ANKS1B: variants seen among roughly 807,000 people sequenced by gnomAD.
ANKS1B encodes the protein ankyrin repeat and sterile alpha motif domain-containing protein 1B.
ANKS1B carries 36 observed loss-of-function variants against 148.3 expected under a neutral mutation model. The ratio of observed to expected loss-of-function variants is 0.24; its 90% CI spans 0.19 to 0.32. ANKS1B has a LOEUF of 0.32. Among genes scored for constraint, ANKS1B ranks in the 10% least tolerant of loss-of-function variants. The pLI, the probability that ANKS1B is intolerant of heterozygous loss-of-function variation, is 1.00. For synonymous variants in ANKS1B, 542 were observed against 560.8 expected, an observed-to-expected ratio of 0.97 and a Z score of 0.47; for missense variants, 1,157 against 1,542.6, an observed-to-expected ratio of 0.75 and a Z score of 4.19.
intron 1 of ANKS1B, among the ~76,000 whole-genome samples, chr12:99,874,372 C>T (rs1283322515): frequency 1.3e-5 from 2 of 152,102 alleles, no homozygotes; most frequent in Non-Finnish European, 2.9e-5. Flanking sequence ...TTACAGCTCA[C>T]CAATTCTGTA....
intron 9 of ANKS1B, among the ~76,000 whole-genome samples, chr12:99,509,531 A>G (rs1279044562): frequency 6.6e-6 from 1 of 151,980 alleles, no homozygotes; most frequent in Non-Finnish European, 1.5e-5. Context: ...CCAAATCCTA[A>G]TCCAGAGCAA....
intron 8 of ANKS1B, among the ~76,000 whole-genome samples, chr12:99,754,071 A>C (rs1475170662): frequency 6.6e-6 from 1 of 152,056 alleles, no homozygotes; most frequent in Non-Finnish European, 1.5e-5. Context: ...CAAGCTAGAT[A>C]AAGAACCAAG....
chr12:99,331,801 G>A (rs542693858), intron 12 of ANKS1B, among the ~76,000 whole-genome samples: 1 of 152,098 alleles, frequency 6.6e-6, no homozygotes, highest in East Asian at 1.9e-4. Flanking sequence ...AAGCAGACAG[G>A]AGAACAACTT....
chr12:99,573,554 T>C lies in ANKS1B; in HGVS notation c.1273-68913A>G, dbSNP rs1040521020. Among the ~76,000 whole-genome samples, 7 of 152,084 alleles carry C rather than the reference T, an allele frequency of 4.6e-5. No individual in the cohort carries two copies. In the South Asian group the frequency reaches 6.2e-4, roughly 13 times the overall value. ...GTATGTATCTGAAAAATCCTAACCA[T>C]GGCTAAATCTAATTCCCTGCCTATT... On this transcript the variant is annotated intron_variant, in intron 9 of 26. Coordinates refer to ENST00000683438, the MANE Select transcript of ANKS1B (RefSeq NM_001352186.2).
At chr12:99,762,229 C>T (rs752997271) in intron 8 of ANKS1B, among the ~76,000 whole-genome samples, 20 of 151,938 alleles carry the variant, frequency 1.3e-4, no homozygotes, top group Non-Finnish European at 2.4e-4. Flanking sequence ...AAAACAAGCT[C>T]GAATAGCCAA....
intron 1 of ANKS1B, among the ~76,000 whole-genome samples, chr12:99,975,618 C>G (rs747095867): frequency 6.6e-6 from 1 of 152,112 alleles, no homozygotes; most frequent in Non-Finnish European, 1.5e-5. Context: ...TGTATGTCTT[C>G]TTTTGAGAAA....
At chr12:99,268,177 A>T (rs1043632554) in intron 12 of ANKS1B, among the ~76,000 whole-genome samples, 6 of 152,200 alleles carry the variant, frequency 3.9e-5, no homozygotes, top group Non-Finnish European at 7.3e-5. Flanking sequence ...CATCTATATC[A>T]TTCTTTCATT....
intron 2 of ANKS1B, among the ~76,000 whole-genome samples, chr12:99,812,548 CACACACACACAGAG>C (rs757940979): frequency 9.2e-4 from 92 of 100,096 alleles, no homozygotes; most frequent in African/African-American, 3.3e-3. Context: ...CACACACACA[CACACACACACAGAG>C]AGAGAGAGAG....
In ANKS1B at chr12:98,945,505, C is replaced by CAAAAAAAAAAAAAAAAA. The variant is rs3051086; in HGVS notation, c.2778+107635_2778+107651dup. Among the ~76,000 whole-genome samples the CAAAAAAAAAAAAAAAAA allele has an allele frequency of 7.3e-4, 22 of 30,254 alleles. 1 individual carries two copies. The highest frequency in any genetic ancestry group is 1.4e-3 in the African/African-American group (13 of 9,180). 19.8% of individuals were successfully genotyped at this position (30,254 alleles called of 152,430 possible). A position where few individuals can be genotyped will look rare whatever the true frequency, so the allele number is the denominator to read the frequency against. ...GCCAGACCCTGTCTCAACAAACAAA[C>CAAAAAAAAAAAAAAAAA]AAAAAAAAAAAAAAAAAAAAAAAAA... is the stretch of plus-strand genomic sequence containing the variant. On this transcript the variant is annotated intron_variant, in intron 17 of 26. Transcript: ENST00000683438.
At chr12:98,761,608 G>GTA (rs748420891) in intron 25 of ANKS1B, among the ~76,000 whole-genome samples, 33 of 152,024 alleles carry the variant, frequency 2.2e-4, no homozygotes, top group Non-Finnish European at 4.4e-4. Context: ...TTGTGTGTAT[G>GTA]TATATATATA....
In ANKS1B at chr12:99,565,469, G is replaced by T. The variant is rs115545419; in HGVS notation, c.1273-60828C>A. Among the ~76,000 whole-genome samples, 289 of 152,254 alleles carry T rather than the reference G, an allele frequency of 1.9e-3. 1 individual carries two copies. Among genetic ancestry groups the T allele is most frequent in the African/African-American group, 6.7e-3 (280 of 41,574 alleles). The stretch of plus-strand genomic sequence containing the variant: ...CAGTTCTAATGGGGGAAAATGAAAA[G>T]TAAAAAGGAGTCACAGGGGTCACTG... On this transcript the variant is annotated intron_variant, in intron 9 of 26. Coordinates refer to ENST00000683438, the MANE Select transcript of ANKS1B (RefSeq NM_001352186.2).
intron 8 of ANKS1B, among the ~76,000 whole-genome samples, chr12:99,738,716 C>A (rs563480847): frequency 9.9e-5 from 15 of 152,120 alleles, no homozygotes; most frequent in Non-Finnish European, 1.6e-4. Context: ...TAAGTTTAGG[C>A]CAACAGAACT....
chr12:98,800,861 G>C, intron 21 of ANKS1B, 136 bp downstream of exon 21: 1 of 1,119,254 alleles, frequency 8.9e-7, no homozygotes, highest in Non-Finnish European at 1.2e-6. Context: ...TTAAGAAAAA[G>C]TGAAGAGAAA....
chr12:99,631,168 T>C (rs999406498), intron 9 of ANKS1B, among the ~76,000 whole-genome samples: 10 of 152,150 alleles, frequency 6.6e-5, no homozygotes, highest in Non-Finnish European at 1.5e-5. Flanking sequence ...GTCTCGGGTA[T>C]GTCTTTATTA....
chr12:99,954,352 C>T (rs1377034973), intron 1 of ANKS1B, among the ~76,000 whole-genome samples: 2 of 152,184 alleles, frequency 1.3e-5, no homozygotes, highest in Non-Finnish European at 2.9e-5. Context: ...TCTTAACTGA[C>T]CTTCAAAGTT....
intron 15 of ANKS1B, among the ~76,000 whole-genome samples, chr12:99,105,546 A>G (rs906738613): frequency 7.0e-6 from 1 of 142,002 alleles, no homozygotes; most frequent in Non-Finnish European, 1.5e-5. Flanking sequence ...AGGCGGGCGG[A>G]TCACAAGGTC....
intron 8 of ANKS1B, among the ~76,000 whole-genome samples, chr12:99,739,280 T>A (rs983251032): frequency 7.7e-5 from 11 of 142,982 alleles, no homozygotes; most frequent in African/African-American, 2.9e-4. Flanking sequence ...CATTTTAATA[T>A]CCTTTTACAT....
intron 12 of ANKS1B, among the ~76,000 whole-genome samples, chr12:99,312,445 T>G (rs760201043): frequency 6.6e-6 from 1 of 152,182 alleles, no homozygotes; most frequent in Non-Finnish European, 1.5e-5. Context: ...AAACAGTCTC[T>G]TTTTAGAAGA....
chr12:98,899,530 G>C (rs987928328), intron 17 of ANKS1B, among the ~76,000 whole-genome samples: 2 of 152,168 alleles, frequency 1.3e-5, no homozygotes, highest in African/African-American at 4.8e-5. Flanking sequence ...CATTCAACTA[G>C]TTGAAAGTCC....
Sources: gnomAD v4.1 joint callset for allele counts (sites outside exome capture counted in the v4.1 genomes callset) on GRCh38, gnomAD v4.1.1 for gene constraint, MANE v1.5 for transcripts, NCBI Gene and HGNC (gene_info 2026-07-23, HGNC 2026-07-21) for gene names.